Variants in RAI1 observed in about 807,000 individuals in gnomAD.
RAI1 encodes retinoic acid induced 1, also known as retinoic acid-induced protein 1.
Under a neutral mutation model 123.8 loss-of-function variants are expected in RAI1, and 9 were observed. That is an observed-to-expected ratio of 0.07 (90% CI 0.04 to 0.13). The LOEUF is 0.13. Among genes scored for constraint, RAI1 ranks in the 10% least tolerant of loss-of-function variants. The probability of loss-of-function intolerance (pLI) is 1.00; values close to 1 mark genes in which losing one functional copy is unlikely to be tolerated. For missense variants in RAI1, 2,256 were observed against 2,545.8 expected, an observed-to-expected ratio of 0.89 and a Z score of 2.45; for synonymous variants, 1,231 against 1,127.3, an observed-to-expected ratio of 1.09 and a Z score of -1.84.
At chr17:17,803,391 T>C (rs2032524593) in intron 3 of RAI1, among the ~76,000 whole-genome samples, 1 of 140,954 alleles carries the variant, frequency 7.1e-6, no homozygotes, top group African/African-American at 3.2e-5. Flanking sequence ...GTTTTTTTTG[T>C]TTGTTTGTTT....
intron 2 of RAI1, among the ~76,000 whole-genome samples, chr17:17,752,009 C>T (rs1432740217): frequency 3.9e-5 from 6 of 152,120 alleles, no homozygotes; most frequent in Admixed American, 2.6e-4. Context: ...TCTCAAGCAC[C>T]CGAACATAGT....
chr17:17,782,601 G>A (rs936801303), intron 2 of RAI1, among the ~76,000 whole-genome samples: 23 of 149,902 alleles, frequency 1.5e-4, no homozygotes, highest in Admixed American at 1.1e-3. Flanking sequence ...AGCGTTAATA[G>A]GTTTGAGCCA....
chr17:17,725,390 G>T (rs1418809664), intron 2 of RAI1, among the ~76,000 whole-genome samples: 3 of 152,180 alleles, frequency 2.0e-5, no homozygotes, highest in Admixed American at 2.0e-4. Flanking sequence ...CGGACGCCTC[G>T]ACCCCTCCCT....
intron 2 of RAI1, among the ~76,000 whole-genome samples, chr17:17,739,772 CG>C (rs754053419): frequency 1.4e-4 from 22 of 152,140 alleles, no homozygotes; most frequent in Non-Finnish European, 2.1e-4. Context: ...GGTGGTGGTG[CG>C]GGGTGGTGAG....
chr17:17,706,158 G>C (rs1330971146), intron 1 of RAI1, among the ~76,000 whole-genome samples: 3 of 152,094 alleles, frequency 2.0e-5, no homozygotes, highest in Non-Finnish European at 4.4e-5. Flanking sequence ...CTTGCCCAGA[G>C]GTCAGCAGCC....
Position 17,797,197 on chromosome 17 carries a change from A to C in RAI1, c.4249A>C (p.Lys1417Gln), listed in dbSNP as rs757292848. ...AAAAGGCAAACTCATGAACAGTAAG[A>C]AACTGTCTTCTACTGACTGTTTCAA... ...SLKGKLMNSKKLSSTDCFKTE... is the reference protein window; with the variant it reads ...SLKGKLMNSKQLSSTDCFKTE... Residue 1417 changes from lysine to glutamine, a missense_variant, in exon 3 of 6, where the codon AAA (lysine) becomes CAA (glutamine). Physicochemically the swap from Lys to Gln is moderately conservative, Grantham distance 53. Coordinates refer to ENST00000353383, the MANE Select transcript of RAI1 (RefSeq NM_030665.4). 6.2e-7 allele frequency: 1 copy of C among 1,613,880 alleles called. No individual in the cohort carries two copies. Among genetic ancestry groups the C allele is most frequent in the Admixed American group, 1.7e-5 (1 of 60,036 alleles).
chr17:17,718,180 T>C (rs571301992), intron 1 of RAI1, among the ~76,000 whole-genome samples: 2 of 152,144 alleles, frequency 1.3e-5, no homozygotes, highest in African/African-American at 4.8e-5. Flanking sequence ...GCAAGCCTTC[T>C]GCCGTCACTC....
chr17:17,713,995 C>T (rs11654526), intron 1 of RAI1, among the ~76,000 whole-genome samples: 31,235 of 151,960 alleles, frequency 0.21, 3,507 homozygotes, highest in East Asian at 0.34. Context: ...CCAGAGATCC[C>T]AGCGGCCCTC....
At chr17:17,802,470 C>T (rs1163114399) in intron 3 of RAI1, among the ~76,000 whole-genome samples, 2 of 152,204 alleles carry the variant, frequency 1.3e-5, no homozygotes, top group African/African-American at 4.8e-5. Context: ...AAGGGACCCA[C>T]AGAGGGCTGT....
chr17:17,717,963 T>C (rs556472715), intron 1 of RAI1, among the ~76,000 whole-genome samples: 27 of 151,984 alleles, frequency 1.8e-4, no homozygotes, highest in Non-Finnish European at 3.4e-4. Context: ...TGCAGTCAAG[T>C]AGGGAAGGAT....
intron 2 of RAI1, among the ~76,000 whole-genome samples, chr17:17,789,537 C>T (rs1235650265): frequency 6.6e-6 from 1 of 152,228 alleles, no homozygotes; most frequent in African/African-American, 2.4e-5. Flanking sequence ...CCACTATGTT[C>T]ATGGCTTGGA....
chr17:17,693,390 A>C (rs1392503654), intron 1 of RAI1, among the ~76,000 whole-genome samples: 1 of 152,218 alleles, frequency 6.6e-6, no homozygotes, highest in Non-Finnish European at 1.5e-5. Context: ...AAGCTTGATC[A>C]CAAAAGGAGA....
In RAI1 at chr17:17,795,534, G is replaced by A; in HGVS notation, c.2586G>A (p.Lys862=). Residue 862 remains lysine (K), a synonymous_variant, in exon 3 of 6, where the codon AAG becomes AAA. Transcript: ENST00000353383. The surrounding 1 kb of genome is among the most constrained non-coding windows in gnomAD (Gnocchi z 5.9). ...DLPLLPPTSR[K]EDLEAEEEYS... ...CACTGCTGCCACCCACCAGCAGGAAGGAGGACCTGGAAGCTGAGGAGGAGT... is the reference window on the plus strand; with the variant it reads ...CACTGCTGCCACCCACCAGCAGGAAAGAGGACCTGGAAGCTGAGGAGGAGT... 1.2e-6 allele frequency: 2 copies of A among 1,602,392 alleles called. No homozygotes were observed. The highest frequency in any genetic ancestry group is 1.3e-5 in the African/African-American group (1 of 74,850).
At position 17,792,871 on chromosome 17, in the gene RAI1, C is replaced by T. The variant is rs2032069856; in HGVS notation, c.-16-62C>T. ...GTCTGAATCGCTCATCCTCTGCCCC[C>T]TCCCTGCCCATCCTCCCCTCCCTCC... On this transcript the variant is annotated intron_variant, in intron 2 of 5. Coordinates refer to ENST00000353383, the MANE Select transcript of RAI1 (RefSeq NM_030665.4). 6 of 1,092,472 alleles carry T rather than the reference C, an allele frequency of 5.5e-6. No individual in the cohort carries two copies. The South Asian group carries it at 6.7e-5, about 12-fold the overall frequency. The allele number at this position is 1,092,472 out of a possible 1,614,324, so 67.7% of individuals were successfully genotyped here.
In RAI1 at chr17:17,811,115, C is replaced by T. The variant is rs1201857628; in HGVS notation, c.*1134C>T. ...TCCGCCTGTCCGTCCGTGTCCTCAG[C>T]TCTGTCCACGCTTCGATAGGCCTGA... is the stretch of plus-strand genomic sequence containing the variant. On this transcript the variant is annotated 3_prime_UTR_variant, in exon 6 of 6. Coordinates refer to ENST00000353383, the MANE Select transcript of RAI1 (RefSeq NM_030665.4). 6.7e-6 allele frequency: 2 copies of T among 298,680 alleles called. No individual in the cohort carries two copies. Among genetic ancestry groups the T allele is most frequent in the South Asian group, 2.7e-5 (1 of 37,354 alleles). 18.5% of individuals were successfully genotyped at this position (298,680 alleles called of 1,614,324 possible).
intron 1 of RAI1, among the ~76,000 whole-genome samples, chr17:17,697,636 AT>A: frequency 1.3e-5 from 2 of 152,250 alleles, no homozygotes; most frequent in Middle Eastern, 3.4e-3. Context: ...AAATGACAAG[AT>A]GGGTTTGCGT....
At chr17:17,790,374 G>A (rs769605190) in intron 2 of RAI1, among the ~76,000 whole-genome samples, 18 of 152,176 alleles carry the variant, frequency 1.2e-4, no homozygotes, top group Non-Finnish European at 1.8e-4. Flanking sequence ...TGGGCTTCTC[G>A]TGTTTTAATT....
chr17:17,810,903 ACCCCTCTATATATATGTTACATAG>A lies in RAI1; in HGVS notation c.*923_*946del, dbSNP rs1258756309. 9.5e-6 allele frequency: 4 copies of A among 419,476 alleles called. No homozygotes were observed. Among genetic ancestry groups the A allele is most frequent in the African/African-American group, 8.2e-5 (4 of 48,934 alleles). 26.0% of individuals were successfully genotyped at this position (419,476 alleles called of 1,614,324 possible). ...TAGATTTCGTGTACAAAACCTGTGT[ACCCCTCTATATATATGTTACATAG>A]AATGTATATATGTTGGGAACATGCT... On this transcript the variant is annotated 3_prime_UTR_variant, in exon 6 of 6. Coordinates refer to ENST00000353383, the MANE Select transcript of RAI1 (RefSeq NM_030665.4). The surrounding 1 kb of genome is among the most constrained non-coding windows in gnomAD (Gnocchi z 4.6).
rs1418417128 is a variant in RAI1, at chr17:17,797,140, C to G, written c.4192C>G (p.Pro1398Ala). ...GQKLPTSGAD[P>A]LCRNPTNRSL... ...GAAGCTCCCAACTTCTGGGGCTGATCCGTTATGCAGAAATCCAACCAACAG... is the reference window on the plus strand; with the variant it reads ...GAAGCTCCCAACTTCTGGGGCTGATGCGTTATGCAGAAATCCAACCAACAG... The change falls in exon 3 of 6, where the codon CCG becomes GCG. Residue 1398 changes from proline to alanine, a missense_variant. By Grantham distance (27) the Pro-to-Ala change is conservative (BLOSUM62 -1). Around this residue, in one of 7 missense-constraint regions of RAI1, gnomAD observed 410 missense variants for 374.6 expected, o/e 1.09. Transcript: ENST00000353383. 1 of 1,613,964 alleles carries G rather than the reference C, an allele frequency of 6.2e-7. No individual in the cohort carries two copies. Among genetic ancestry groups the G allele is most frequent in the Non-Finnish European group, 8.5e-7 (1 of 1,180,024 alleles).
Sources: allele counts gnomAD v4.1 joint callset (sites outside exome capture counted in the v4.1 genomes callset), GRCh38; gene constraint gnomAD v4.1.1; regional missense constraint gnomAD v4.1.1; non-coding constraint Gnocchi (gnomAD v3.1); transcripts MANE v1.5; gene names NCBI Gene and HGNC (gene_info 2026-07-23, HGNC 2026-07-21).